RYR2: variants seen among roughly 807,000 people sequenced by gnomAD.
RYR2 encodes the protein ryanodine receptor 2, also known as cardiac muscle ryanodine receptor-calcium release channel.
RYR2 carries 227 observed loss-of-function variants against 601.1 expected under a neutral mutation model. The observed-to-expected ratio is 0.38, with a 90% CI of 0.34 to 0.42. RYR2 has a LOEUF of 0.42. Ranked by LOEUF, RYR2 falls within the 10% of genes least tolerant of loss-of-function variation. The probability of loss-of-function intolerance (pLI) is 1.00; values close to 1 mark genes in which losing one functional copy is unlikely to be tolerated. For missense variants in RYR2, 4,646 were observed against 6,156.5 expected, an observed-to-expected ratio of 0.75 and a Z score of 8.21; for synonymous variants, 2,223 against 2,175.1, an observed-to-expected ratio of 1.02 and a Z score of -0.61.
At chr1:237,805,855 C>T (rs1660582368) in intron 98 of RYR2, among the ~76,000 whole-genome samples, 1 of 152,086 alleles carries the variant, frequency 6.6e-6, no homozygotes, top group Non-Finnish European at 1.5e-5. Context: ...CTGCCGTCAT[C>T]CTACAGCGGT....
At chr1:237,096,019 C>G (rs936926805) in intron 1 of RYR2, among the ~76,000 whole-genome samples, 3 of 152,092 alleles carry the variant, frequency 2.0e-5, no homozygotes, top group Admixed American at 2.0e-4. Flanking sequence ...ATAAATGATT[C>G]TGAAAAATTG....
chr1:237,743,683 T>C (rs1338949043), intron 80 of RYR2: 3 of 506,588 alleles, frequency 5.9e-6, no homozygotes. Flanking sequence ...TTGTGACATT[T>C]ACCTTTGTTA....
intron 12 of RYR2, among the ~76,000 whole-genome samples, chr1:237,438,786 C>T (rs1707635729): frequency 6.6e-6 from 1 of 152,206 alleles, no homozygotes; most frequent in Admixed American, 6.5e-5. Flanking sequence ...AAGGCAGCCA[C>T]CTACCAATCA....
chr1:237,199,080 G>A (rs1048176029), intron 1 of RYR2, among the ~76,000 whole-genome samples: 6 of 152,206 alleles, frequency 3.9e-5, no homozygotes, highest in African/African-American at 1.4e-4. Context: ...GGGTCCTGCA[G>A]AGTGTGTGAA....
intron 34 of RYR2, among the ~76,000 whole-genome samples, chr1:237,599,462 T>TGAA (rs1676251678): frequency 6.6e-6 from 1 of 151,504 alleles, no homozygotes; most frequent in East Asian, 2.0e-4. Flanking sequence ...CAGTATTTCT[T>TGAA]TGCACTAGTA....
intron 10 of RYR2, among the ~76,000 whole-genome samples, chr1:237,394,574 C>G (rs540150048): frequency 6.6e-6 from 1 of 152,306 alleles, no homozygotes; most frequent in Admixed American, 6.5e-5. Flanking sequence ...AGCAGAAATT[C>G]TCCTATGAAA....
At chr1:237,676,202 AAG>A (rs1685383657) in intron 60 of RYR2, among the ~76,000 whole-genome samples, 1 of 152,172 alleles carries the variant, frequency 6.6e-6, no homozygotes, top group African/African-American at 2.4e-5. Context: ...GAGAGAAAGA[AAG>A]AGTCATCATT....
At chr1:237,591,071 T>G in intron 31 of RYR2, 79 bp downstream of exon 31, 1 of 1,225,888 alleles carries the variant, frequency 8.2e-7, no homozygotes, top group Non-Finnish European at 1.1e-6. Flanking sequence ...GGTCTCCTAG[T>G]GTAAATTTTT....
At chr1:237,683,647 C>T (rs562889467) in intron 62 of RYR2, among the ~76,000 whole-genome samples, 2 of 152,246 alleles carry the variant, frequency 1.3e-5, no homozygotes, top group South Asian at 4.1e-4. Flanking sequence ...TGGATATTAA[C>T]TGTCAGAATC....
In RYR2 at chr1:237,163,603, T is replaced by A. The variant is rs560850894; in HGVS notation, c.49-106894T>A. On this transcript the variant is annotated intron_variant, in intron 1 of 104. Transcript: ENST00000366574. The stretch of plus-strand genomic sequence containing the variant: ...TGACCTCTTCTTATAAAGTGTTATT[T>A]ACTTGAGCATACCCAGTTCTCTTAA... 1.2e-3 allele frequency among the ~76,000 whole-genome samples: 181 copies of A among 152,336 alleles called. 1 individual carries two copies. Among genetic ancestry groups the A allele is most frequent in the African/African-American group, 4.2e-3 (176 of 41,574 alleles).
intron 1 of RYR2, among the ~76,000 whole-genome samples, chr1:237,188,029 G>A (rs1011169660): frequency 1.1e-4 from 17 of 152,082 alleles, no homozygotes; most frequent in Admixed American, 3.9e-4. Flanking sequence ...TCACTAAAGC[G>A]GCATGACTCA....
intron 73 of RYR2, among the ~76,000 whole-genome samples, chr1:237,720,931 GA>G (rs1558286277): frequency 6.6e-6 from 1 of 152,160 alleles, no homozygotes; most frequent in African/African-American, 2.4e-5. Flanking sequence ...AGCAAAAAAG[GA>G]AACATTGATT....
intron 1 of RYR2, among the ~76,000 whole-genome samples, chr1:237,134,159 C>T (rs545040749): frequency 6.6e-6 from 1 of 152,110 alleles, no homozygotes; most frequent in African/African-American, 2.4e-5. Context: ...GTTCAGGAAA[C>T]CTTGAAGTTC....
intron 16 of RYR2, 43 bp from the exon 17 acceptor site, chr1:237,469,049 C>A: frequency 6.5e-7 from 1 of 1,537,136 alleles, no homozygotes; most frequent in Non-Finnish European, 9.0e-7. Context: ...AATTTTCGAG[C>A]TAGAAAATCA....
At position 237,496,633 on chromosome 1, in the gene RYR2, T is replaced by G; in HGVS notation, c.2084T>G (p.Val695Gly). ...FVTAEATHLR[V>G]GWASTEGYSP... ...ACAGCTGAAGCAACTCACCTGCGAG[T>G]GGGCTGGGCTTCCACTGAAGGATAT... Residue 695 changes from valine to glycine, a missense_variant, in exon 20 of 105, where the codon GTG becomes GGG. Around this residue, in one of 17 missense-constraint regions of RYR2, gnomAD observed 1,807 missense variants for 2,088.1 expected, o/e 0.87. Coordinates refer to ENST00000366574, the MANE Select transcript of RYR2 (RefSeq NM_001035.3). 1 of 1,613,770 alleles carries G rather than the reference T, an allele frequency of 6.2e-7. No homozygotes were observed. The highest frequency in any genetic ancestry group is 8.5e-7 in the Non-Finnish European group (1 of 1,179,832).
At chr1:237,110,609 T>G (rs1669364286) in intron 1 of RYR2, among the ~76,000 whole-genome samples, 1 of 152,102 alleles carries the variant, frequency 6.6e-6, no homozygotes, top group African/African-American at 2.4e-5. Context: ...ATGCCTCTGG[T>G]TTGGAGTCTG....
intron 1 of RYR2, among the ~76,000 whole-genome samples, chr1:237,060,829 G>A (rs1193704989): frequency 6.6e-6 from 1 of 152,036 alleles, no homozygotes; most frequent in African/African-American, 2.4e-5. Context: ...AAACAAAGCT[G>A]GTACTAATAT....
rs913227817 is a variant in RYR2, at chr1:237,651,407, A to G, written c.7734-4A>G. 2 of 1,585,006 alleles carry G rather than the reference A, an allele frequency of 1.3e-6. No homozygotes were observed. Among genetic ancestry groups the G allele is most frequent in the South Asian group, 2.3e-5 (2 of 86,720 alleles). The stretch of plus-strand genomic sequence containing the variant: ...CATTATGAACATTAGCTTTGTTCCA[A>G]CAGACAACTGAGACCTTCTATGATG... On this transcript the variant is annotated splice_polypyrimidine_tract_variant and splice_region_variant and intron_variant, in intron 50 of 104. Coordinates refer to ENST00000366574, the MANE Select transcript of RYR2 (RefSeq NM_001035.3).
At chr1:237,760,826 A>ACATGTAATGAATGGAGG in intron 83 of RYR2, 129 bp from the exon 84 acceptor site, 1 of 661,804 alleles carries the variant, frequency 1.5e-6, no homozygotes, top group Admixed American at 2.8e-5. Flanking sequence ...ATGAATGGAG[A>ACATGTAATGAATGGAGG]CATGTTTTCA....
Sources: gnomAD v4.1 joint callset for allele counts (sites outside exome capture counted in the v4.1 genomes callset) on GRCh38, gnomAD v4.1.1 for gene constraint, gnomAD v4.1.1 regional missense constraint, MANE v1.5 for transcripts, NCBI Gene and HGNC (gene_info 2026-07-23, HGNC 2026-07-21) for gene names.